The following FOCAD variants were observed in gnomAD, a reference collection of about 807,000 sequenced individuals.
FOCAD encodes the protein focadhesin, also known as KIAA1797.
Under a neutral mutation model 225.6 loss-of-function variants are expected in FOCAD, and 198 were observed. The observed-to-expected ratio is 0.88, with a 90% confidence interval of 0.78 to 0.99. FOCAD has a LOEUF of 0.99. Ranked by LOEUF, FOCAD falls within the 50% of genes least tolerant of loss-of-function variation. The pLI is 0.00. For synonymous variants in FOCAD, 897 were observed against 755.0 expected (o/e 1.19, Z -3.08); for missense variants, 2,713 against 2,123.6 (o/e 1.28, Z -5.46).
chr9:20,988,497 T>G, intron 41 of FOCAD, 68 bp downstream of exon 41: 1 of 698,634 alleles, frequency 1.4e-6, no homozygotes, highest in Non-Finnish European at 2.2e-6. Flanking sequence ...GGTGCAAAAG[T>G]AATTGCGGTT....
At position 20,946,686 on chromosome 9, in the gene FOCAD, G is replaced by C; in HGVS notation, c.3556-15G>C. On this transcript the variant is annotated splice_polypyrimidine_tract_variant and intron_variant, in intron 29 of 43. Coordinates refer to ENST00000338382, the MANE Select transcript of FOCAD (RefSeq NM_001375567.1). ...CCTCCTGAAGACATATTTTTCTGCT[G>C]TATTTTCTTCTCAGGTCCTTGCCTA... is the stretch of plus-strand genomic sequence containing the variant. The C allele has an allele frequency of 6.3e-7, 1 of 1,597,966 alleles. No homozygotes were observed. The highest frequency in any genetic ancestry group is 8.5e-7 in the Non-Finnish European group (1 of 1,173,794).
intron 28 of FOCAD, among the ~76,000 whole-genome samples, chr9:20,935,129 T>G (rs951514022): frequency 7.9e-5 from 12 of 152,188 alleles, no homozygotes; most frequent in African/African-American, 2.9e-4. Flanking sequence ...ATCTTAAAAT[T>G]CATATGGAGA....
In FOCAD at chr9:20,995,649, C is replaced by T. The variant is rs772380017; in HGVS notation, c.*20C>T. 6.2e-7 allele frequency: 1 copy of T among 1,603,704 alleles called. No homozygotes were observed. Among genetic ancestry groups the T allele is most frequent in the Admixed American group, 1.7e-5 (1 of 59,704 alleles). On this transcript the variant is annotated 3_prime_UTR_variant, in exon 44 of 44. Coordinates refer to ENST00000338382, the MANE Select transcript of FOCAD (RefSeq NM_001375567.1). Reference sequence around the variant, plus strand: ...TGGTGAACAGTTTTGCAGTAACCAGCAGCATTCTCAGCTGGATGAGGAAAA... The same window carrying T: ...TGGTGAACAGTTTTGCAGTAACCAGTAGCATTCTCAGCTGGATGAGGAAAA...
At chr9:20,709,591 C>G (rs912956475) in intron 1 of FOCAD, among the ~76,000 whole-genome samples, 1 of 150,888 alleles carries the variant, frequency 6.6e-6, no homozygotes, top group Non-Finnish European at 1.5e-5. Flanking sequence ...TTGAAATTCC[C>G]TAAGAGGATA....
At chr9:20,719,326 A>T (rs1216775731) in intron 3 of FOCAD, among the ~76,000 whole-genome samples, 1 of 151,878 alleles carries the variant, frequency 6.6e-6, no homozygotes, top group Non-Finnish European at 1.5e-5. Context: ...CAGTTGATCC[A>T]CCCGCCTTGG....
At chr9:20,794,644 C>T (rs1473256630) in intron 11 of FOCAD, among the ~76,000 whole-genome samples, 1 of 152,046 alleles carries the variant, frequency 6.6e-6, no homozygotes, top group Non-Finnish European at 1.5e-5. Flanking sequence ...TAATATGTTT[C>T]CAGAACCTCA....
chr9:20,708,728 A>T (rs1195367603), intron 1 of FOCAD, among the ~76,000 whole-genome samples: 1 of 151,598 alleles, frequency 6.6e-6, no homozygotes, highest in Non-Finnish European at 1.5e-5. Flanking sequence ...GTGACCTATG[A>T]TTGTGTCACT....
At chr9:20,986,585 C>T (rs532914718) in intron 40 of FOCAD, 120 bp downstream of exon 40, 136 of 786,176 alleles carry the variant, frequency 1.7e-4, no homozygotes, top group Non-Finnish European at 2.4e-4. Flanking sequence ...CAGGTTAGGC[C>T]TTCTGGTGCC....
intron 11 of FOCAD, among the ~76,000 whole-genome samples, chr9:20,801,298 A>T (rs1237808443): frequency 6.6e-6 from 1 of 152,190 alleles, no homozygotes; most frequent in African/African-American, 2.4e-5. Flanking sequence ...ATTTACAAGC[A>T]ATGCCGTTGA....
upstream of FOCAD, among the ~76,000 whole-genome samples, chr9:20,680,953 G>C (rs186059065): frequency 1.3e-5 from 2 of 152,142 alleles, no homozygotes; most frequent in African/African-American, 4.8e-5. Context: ...AGCTATGATC[G>C]TGTCACTGTA....
chr9:20,734,152 T>C (rs906432843), intron 4 of FOCAD, among the ~76,000 whole-genome samples: 6 of 152,172 alleles, frequency 3.9e-5, no homozygotes, highest in Non-Finnish European at 8.8e-5. Context: ...TTTTGTCATC[T>C]TTTTTTTCTT....
At chr9:20,722,590 A>G (rs921479595) in intron 4 of FOCAD, among the ~76,000 whole-genome samples, 1 of 152,260 alleles carries the variant, frequency 6.6e-6, no homozygotes, top group Non-Finnish European at 1.5e-5. Flanking sequence ...GAATAAGTGA[A>G]GGTTTGATCA....
At chr9:20,834,631 A>G (rs879410163) in intron 15 of FOCAD, among the ~76,000 whole-genome samples, 2 of 152,058 alleles carry the variant, frequency 1.3e-5, no homozygotes, top group African/African-American at 2.4e-5. Flanking sequence ...ATACCACGCG[A>G]TTCCTTCCTT....
intron 24 of FOCAD, among the ~76,000 whole-genome samples, chr9:20,919,134 A>G (rs1226039881): frequency 2.0e-5 from 3 of 152,200 alleles, no homozygotes; most frequent in East Asian, 1.9e-4. Context: ...TACAAAATCA[A>G]TGTGCAAAAA....
Position 20,896,400 on chromosome 9 carries a change from G to T in FOCAD, c.2626-10750G>T, listed in dbSNP as rs1047240770. On this transcript the variant is annotated intron_variant, in intron 21 of 43. Coordinates refer to ENST00000338382, the MANE Select transcript of FOCAD (RefSeq NM_001375567.1). The stretch of plus-strand genomic sequence containing the variant: ...TAATGAGTTAGGAAGTATTCTCTCT[G>T]CTTCTGCCTTCTGAAAGAGACTGTT... 2.0e-5 allele frequency among the ~76,000 whole-genome samples: 3 copies of T among 151,834 alleles called. No individual in the cohort carries two copies. In the East Asian group the frequency reaches 5.8e-4, roughly 29 times the overall value.
At chr9:20,855,193 T>A (rs1828043614) in intron 15 of FOCAD, among the ~76,000 whole-genome samples, 1 of 151,634 alleles carries the variant, frequency 6.6e-6, no homozygotes, top group Non-Finnish European at 1.5e-5. Flanking sequence ...TTATTAAAAC[T>A]TTCCCATGTA....
At chr9:20,714,071 G>A (rs2098422727) in intron 1 of FOCAD, among the ~76,000 whole-genome samples, 1 of 152,090 alleles carries the variant, frequency 6.6e-6, no homozygotes, top group Non-Finnish European at 1.5e-5. Flanking sequence ...TGGATAAAAG[G>A]GTGGAAAGTA....
At position 20,768,147 on chromosome 9, in the gene FOCAD, G is replaced by A. The variant is rs10964690; in HGVS notation, c.700-1885G>A. On this transcript the variant is annotated intron_variant, in intron 7 of 43. Coordinates refer to ENST00000338382, the MANE Select transcript of FOCAD (RefSeq NM_001375567.1). Reference sequence around the variant, plus strand: ...GATCAGATAGTTGTAGATATGCGGCGTTATTTCTGAGGGCTCTGTTCTGTT... The same window carrying A: ...GATCAGATAGTTGTAGATATGCGGCATTATTTCTGAGGGCTCTGTTCTGTT... Among the ~76,000 whole-genome samples, 707 of 148,288 alleles carry A rather than the reference G, an allele frequency of 4.8e-3. 3 individuals are homozygous for A. The highest frequency in any genetic ancestry group is 7.8e-3 in the Non-Finnish European group (522 of 66,850).
At chr9:20,789,992 A>T (rs999708852) in intron 11 of FOCAD, among the ~76,000 whole-genome samples, 2 of 152,190 alleles carry the variant, frequency 1.3e-5, no homozygotes, top group Non-Finnish European at 2.9e-5. Context: ...TCAATTCAGG[A>T]TAAGGGAGCC....
Sources: allele counts gnomAD v4.1 joint callset (sites outside exome capture counted in the v4.1 genomes callset), GRCh38; gene constraint gnomAD v4.1.1; transcripts MANE v1.5; gene names NCBI Gene and HGNC (gene_info 2026-07-23, HGNC 2026-07-21).